LRRC37A2: variants seen among roughly 807,000 people sequenced by gnomAD.
LRRC37A2 encodes the protein leucine rich repeat containing 37 member A2.
Under a neutral mutation model 68.8 loss-of-function variants are expected in LRRC37A2, and 9 were observed. The observed-to-expected ratio is 0.13, with a 90% CI of 0.08 to 0.23. LRRC37A2 has a LOEUF of 0.23. Ranked by LOEUF, LRRC37A2 falls within the 10% of genes least tolerant of loss-of-function variation. LRRC37A2 has a pLI of 1.00. For missense variants in LRRC37A2, 168 were observed against 950.4 expected (o/e 0.18, Z 10.82); for synonymous variants, 63 against 367.6 (o/e 0.17, Z 9.48).
the LRRC37A2 span, among the ~76,000 whole-genome samples, chr17:46,498,581 A>G: frequency 2.8e-5 from 4 of 141,514 alleles, no homozygotes; most frequent in Non-Finnish European, 5.9e-5. Flanking sequence ...TCCAGCAAAA[A>G]TACCCTTCAA....
chr17:46,910,930 A>G, the LRRC37A2 span, among the ~76,000 whole-genome samples: 4 of 152,178 alleles, frequency 2.6e-5, no homozygotes, highest in Non-Finnish European at 4.4e-5. Flanking sequence ...ATTCCAAGCT[A>G]AGGAAGCAGG....
the LRRC37A2 span, chr17:46,755,506 A>T: frequency 1.3e-6 from 1 of 797,112 alleles, no homozygotes; most frequent in African/African-American, 1.7e-5. Context: ...TAGGTCCGAG[A>T]GACCAAGCAA....
At chr17:46,917,161 TAACTC>T in the LRRC37A2 span, 1 of 152,148 alleles carries the variant, frequency 6.6e-6, no homozygotes, top group Non-Finnish European at 1.5e-5. Context: ...CCAAAAGTCT[TAACTC>T]AATCCAGCAT....
the LRRC37A2 span, among the ~76,000 whole-genome samples, chr17:46,806,366 C>T: frequency 1.3e-4 from 20 of 152,128 alleles, no homozygotes; most frequent in East Asian, 3.3e-3. Context: ...CGTGCCACCA[C>T]GCCCGGCTAA....
At chr17:46,860,022 G>A in the LRRC37A2 span, among the ~76,000 whole-genome samples, 2 of 152,174 alleles carry the variant, frequency 1.3e-5, no homozygotes, top group Admixed American at 1.3e-4. Context: ...TAGTTGGAGG[G>A]AAGGAAAGGT....
chr17:46,794,308 TG>T, the LRRC37A2 span, among the ~76,000 whole-genome samples: 3 of 152,156 alleles, frequency 2.0e-5, no homozygotes, highest in Non-Finnish European at 4.4e-5. Context: ...GAGGTCCTGC[TG>T]ATGAGCTTCA....
chr17:46,722,266 G>A, the LRRC37A2 span: 4 of 1,014,756 alleles, frequency 3.9e-6, no homozygotes, highest in Non-Finnish European at 6.2e-6. Flanking sequence ...TAATTTTGGG[G>A]GGAGTCTGTA....
At chr17:46,796,771 G>C in the LRRC37A2 span, among the ~76,000 whole-genome samples, 2 of 152,180 alleles carry the variant, frequency 1.3e-5, no homozygotes, top group African/African-American at 4.8e-5. Flanking sequence ...ATAGGAGAGG[G>C]GGCTCAGCTG....
the LRRC37A2 span, among the ~76,000 whole-genome samples, chr17:46,977,784 T>G: frequency 1.3e-5 from 2 of 152,258 alleles, no homozygotes; most frequent in African/African-American, 4.8e-5. Context: ...AATTAAACTT[T>G]TAACTAGATC....
chr17:46,854,629 A>T, the LRRC37A2 span, among the ~76,000 whole-genome samples: 1 of 99,296 alleles, frequency 1.0e-5, no homozygotes, highest in Admixed American at 1.3e-4. Context: ...AATGGTGATA[A>T]AAAAAAACAT....
the LRRC37A2 span, among the ~76,000 whole-genome samples, chr17:47,015,219 G>A: frequency 6.6e-6 from 1 of 152,048 alleles, no homozygotes; most frequent in Non-Finnish European, 1.5e-5. Flanking sequence ...CGTTGGCCAG[G>A]CTGGTCTTGA....
chr17:46,890,770 G>T, the LRRC37A2 span, among the ~76,000 whole-genome samples: 1 of 152,230 alleles, frequency 6.6e-6, no homozygotes, highest in East Asian at 1.9e-4. Flanking sequence ...TCCCTCAGGA[G>T]CCCTGGGCAA....
the LRRC37A2 span, among the ~76,000 whole-genome samples, chr17:46,771,604 G>A: frequency 6.8e-6 from 1 of 147,378 alleles, no homozygotes; most frequent in Non-Finnish European, 1.5e-5. Context: ...CTTTGTTCGC[G>A]CGGTGTCACA....
At chr17:46,918,419 C>T in the LRRC37A2 span, among the ~76,000 whole-genome samples, 1 of 152,082 alleles carries the variant, frequency 6.6e-6, no homozygotes, top group African/African-American at 2.4e-5. Context: ...CAGACTGGGC[C>T]CACAAAAACA....
the LRRC37A2 span, among the ~76,000 whole-genome samples, chr17:46,864,315 C>T: frequency 1.3e-5 from 2 of 152,200 alleles, no homozygotes; most frequent in African/African-American, 4.8e-5. Flanking sequence ...TTCCCACCCA[C>T]TGCCTCCACA....
the LRRC37A2 span, among the ~76,000 whole-genome samples, chr17:46,830,345 G>C: frequency 6.6e-6 from 1 of 152,116 alleles, no homozygotes; most frequent in Non-Finnish European, 1.5e-5. Flanking sequence ...TCGACCTCCC[G>C]GGCTCAAGCA....
At chr17:46,978,777 C>G in the LRRC37A2 span, 6 of 1,612,484 alleles carry the variant, frequency 3.7e-6, no homozygotes, top group South Asian at 6.6e-5. Context: ...CCACGGTAAG[C>G]GACAGCACGC....
the LRRC37A2 span, among the ~76,000 whole-genome samples, chr17:46,843,510 T>A: frequency 6.6e-6 from 1 of 152,226 alleles, no homozygotes; most frequent in Admixed American, 6.5e-5. Context: ...AGCTACCTCT[T>A]CCCTGGAACA....
At chr17:46,728,785 A>C in the LRRC37A2 span, 24 of 1,150,410 alleles carry the variant, frequency 2.1e-5, no homozygotes, top group East Asian at 1.5e-4. Context: ...AAAAAAAAAA[A>C]CAAAAACTGA....
Sources: allele counts gnomAD v4.1 joint callset (sites outside exome capture counted in the v4.1 genomes callset), GRCh38; gene constraint gnomAD v4.1.1; transcripts MANE v1.5; gene names NCBI Gene and HGNC (gene_info 2026-07-23, HGNC 2026-07-21).